ZDHHC7: variants seen among roughly 807,000 people sequenced by gnomAD.
ZDHHC7 encodes palmitoyltransferase ZDHHC7.
A neutral mutation model predicts 34.1 loss-of-function variants in ZDHHC7; 12 were observed. That is an observed-to-expected ratio of 0.35 (90% CI 0.23 to 0.57). The LOEUF (loss-of-function observed/expected upper bound fraction) is 0.57. ZDHHC7 is among the 20% of genes least tolerant of loss of function. ZDHHC7 has a pLI of 0.84. For missense variants in ZDHHC7, 388 were observed against 402.7 expected, an observed-to-expected ratio of 0.96 and a Z score of 0.31; for synonymous variants, 185 against 155.4, an observed-to-expected ratio of 1.19 and a Z score of -1.42.
At chr16:85,004,723 A>C (rs1436438606) in intron 1 of ZDHHC7, among the ~76,000 whole-genome samples, 1 of 152,166 alleles carries the variant, frequency 6.6e-6, no homozygotes, top group Non-Finnish European at 1.5e-5. Flanking sequence ...GTGAATAAGT[A>C]AGGGAAGGAG....
At chr16:85,018,353 G>T in the ZDHHC7 span, among the ~76,000 whole-genome samples, 2 of 152,142 alleles carry the variant, frequency 1.3e-5, no homozygotes, top group Non-Finnish European at 2.9e-5. Context: ...AGCGTGGGGG[G>T]CAGGGTGCTA....
chr16:84,986,144 C>T (rs1271733151), intron 3 of ZDHHC7, among the ~76,000 whole-genome samples: 1 of 152,110 alleles, frequency 6.6e-6, no homozygotes, highest in Non-Finnish European at 1.5e-5. Flanking sequence ...GGCGGGTTAT[C>T]TGGGGGAGGG....
At chr16:84,979,446 T>C (rs771230047) in intron 4 of ZDHHC7, 161 bp from the exon 5 acceptor site, 1 of 744,934 alleles carries the variant, frequency 1.3e-6, no homozygotes, top group Non-Finnish European at 1.6e-6. Flanking sequence ...AGGTTTATCA[T>C]TTTAATTAAA....
At chr16:85,021,456 C>T in the ZDHHC7 span, among the ~76,000 whole-genome samples, 1 of 144,108 alleles carries the variant, frequency 6.9e-6, no homozygotes, top group Non-Finnish European at 1.5e-5. Context: ...CACCTATAAT[C>T]CCAGAGCTTT....
chr16:85,014,649 A>C (rs1450305482), upstream of ZDHHC7, among the ~76,000 whole-genome samples: 1 of 152,204 alleles, frequency 6.6e-6, no homozygotes, highest in Middle Eastern at 3.2e-3. Flanking sequence ...CCAGGGCTTA[A>C]CTTACCCCTT....
intron 2 of ZDHHC7, among the ~76,000 whole-genome samples, chr16:84,994,229 T>C (rs1462740637): frequency 1.3e-5 from 2 of 152,214 alleles, no homozygotes; most frequent in Non-Finnish European, 2.9e-5. Flanking sequence ...AGCAAGGGCA[T>C]GTTTGCTAAA....
the ZDHHC7 span, among the ~76,000 whole-genome samples, chr16:85,018,311 G>A: frequency 6.6e-6 from 1 of 152,118 alleles, no homozygotes; most frequent in African/African-American, 2.4e-5. Context: ...AGGAAGACAG[G>A]GCAAGGCAGT....
At chr16:84,992,222 C>T (rs535946586) in intron 2 of ZDHHC7, among the ~76,000 whole-genome samples, 7 of 151,964 alleles carry the variant, frequency 4.6e-5, no homozygotes, top group South Asian at 4.2e-4. Flanking sequence ...GTAACCCCAG[C>T]GCTTTCAGAG....
chr16:85,022,460 T>C, the ZDHHC7 span, among the ~76,000 whole-genome samples: 1 of 151,972 alleles, frequency 6.6e-6, no homozygotes, highest in Non-Finnish European at 1.5e-5. Flanking sequence ...GAGGCGGAGG[T>C]TGCAGTGAGC....
rs1343459467 is a variant in ZDHHC7, at chr16:84,976,314, G to A, written c.*29C>T. The A allele has an allele frequency of 1.2e-6, 2 of 1,609,412 alleles. No individual in the cohort carries two copies. The highest frequency in any genetic ancestry group is 1.7e-5 in the Admixed American group (1 of 57,982). ...CCCAAATAAATAACTGGAAGTCTGT[G>A]AGCAAGTTTCAGTCTGATGAGCCAC... is the stretch of plus-strand genomic sequence containing the variant. On this transcript the variant is annotated 3_prime_UTR_variant, in exon 8 of 8. Coordinates refer to ENST00000313732, the MANE Select transcript of ZDHHC7 (RefSeq NM_017740.3).
intron 3 of ZDHHC7, among the ~76,000 whole-genome samples, chr16:84,986,288 A>G (rs927618519): frequency 2.6e-5 from 4 of 152,106 alleles, no homozygotes; most frequent in Admixed American, 1.3e-4. Flanking sequence ...AAGATAGACA[A>G]TCTGGTTCAA....
At chr16:85,006,989 C>G (rs2072725331) in intron 1 of ZDHHC7, among the ~76,000 whole-genome samples, 1 of 151,742 alleles carries the variant, frequency 6.6e-6, no homozygotes, top group Non-Finnish European at 1.5e-5. Flanking sequence ...TTCAAGCACC[C>G]ACTACCTATA....
At chr16:84,994,959 G>A (rs142567380) in intron 2 of ZDHHC7, among the ~76,000 whole-genome samples, 2 of 152,264 alleles carry the variant, frequency 1.3e-5, no homozygotes, top group Non-Finnish European at 2.9e-5. Context: ...CAGGAAGGGA[G>A]GGGAAGAAAT....
At chr16:85,003,877 C>T (rs955448030) in intron 1 of ZDHHC7, among the ~76,000 whole-genome samples, 4 of 152,130 alleles carry the variant, frequency 2.6e-5, no homozygotes, top group Non-Finnish European at 4.4e-5. Flanking sequence ...ACACTGACTT[C>T]CCTTCCCCCT....
At chr16:84,989,801 G>A (rs2072484642) in intron 3 of ZDHHC7, among the ~76,000 whole-genome samples, 1 of 151,718 alleles carries the variant, frequency 6.6e-6, no homozygotes, top group African/African-American at 2.4e-5. Flanking sequence ...TTGACAAATT[G>A]GGAGTCCCTA....
intron 4 of ZDHHC7, among the ~76,000 whole-genome samples, chr16:84,980,055 G>A (rs2072347810): frequency 6.7e-6 from 1 of 149,250 alleles, no homozygotes; most frequent in Non-Finnish European, 1.5e-5. Flanking sequence ...CTGCCTCCCG[G>A]GTTCACGCCA....
chr16:84,997,194 A>G (rs1388576104), intron 1 of ZDHHC7, among the ~76,000 whole-genome samples: 1 of 152,104 alleles, frequency 6.6e-6, no homozygotes, highest in African/African-American at 2.4e-5. Context: ...TGTGAAACAA[A>G]AAGAGGAACA....
At chr16:85,022,136 G>A in the ZDHHC7 span, among the ~76,000 whole-genome samples, 4 of 151,790 alleles carry the variant, frequency 2.6e-5, no homozygotes, top group South Asian at 4.2e-4. Flanking sequence ...CTCTAGCCTG[G>A]GCGACAGAGC....
chr16:84,998,112 A>C (rs563868681), intron 1 of ZDHHC7, among the ~76,000 whole-genome samples: 343 of 149,464 alleles, frequency 2.3e-3, no homozygotes, highest in African/African-American at 7.7e-3. Context: ...AAATAAAAAA[A>C]AATTAGCCGG....
Sources: gnomAD v4.1 joint callset for allele counts (sites outside exome capture counted in the v4.1 genomes callset) on GRCh38, gnomAD v4.1.1 for gene constraint, MANE v1.5 for transcripts, NCBI Gene and HGNC (gene_info 2026-07-23, HGNC 2026-07-21) for gene names.